Variants in UBL3 observed in about 807,000 individuals in gnomAD.
UBL3 encodes the protein ubiquitin-like protein 3.
Under a neutral mutation model 18.4 loss-of-function variants are expected in UBL3, and 6 were observed. That is an observed-to-expected ratio of 0.33 (90% CI 0.18 to 0.64). The LOEUF (loss-of-function observed/expected upper bound fraction) is 0.64. Ranked by LOEUF, UBL3 falls within the 30% of genes least tolerant of loss-of-function variation. The probability of loss-of-function intolerance (pLI) is 0.76; values close to 1 mark genes in which losing one functional copy is unlikely to be tolerated. For synonymous variants in UBL3, 49 were observed against 46.6 expected (o/e 1.05, Z -0.21); for missense variants, 109 against 142.9 (o/e 0.76, Z 1.21).
chr13:29,794,379 T>A (rs1339789817), intron 1 of UBL3, among the ~76,000 whole-genome samples: 1 of 151,598 alleles, frequency 6.6e-6, no homozygotes, highest in East Asian at 1.9e-4. Flanking sequence ...CACGCACCCC[T>A]ACCTATATGC....
At chr13:29,780,368 A>AAAC (rs367756866) in intron 1 of UBL3, among the ~76,000 whole-genome samples, 1 of 89,338 alleles carries the variant, frequency 1.1e-5, no homozygotes, top group African/African-American at 4.7e-5. Flanking sequence ...AAAAAAAAAA[A>AAAC]TATATATATA....
rs1876677500 is a variant in UBL3, at chr13:29,766,273, T to C, written c.*982A>G. On this transcript the variant is annotated 3_prime_UTR_variant, in exon 5 of 5. Coordinates refer to ENST00000380680, the MANE Select transcript of UBL3 (RefSeq NM_007106.4). ...AAGCACTAATATCAAACGCAAACTA[T>C]ATAAAGAAACAAAATTAGTACTATG... The C allele has an allele frequency of 6.6e-6, 1 of 152,516 alleles. No homozygotes were observed. The allele number at this position is 152,516 out of a possible 1,614,324, so 9.4% of individuals were successfully genotyped here.
intron 1 of UBL3, among the ~76,000 whole-genome samples, chr13:29,845,085 G>A (rs1440264921): frequency 6.6e-6 from 1 of 152,058 alleles, no homozygotes; most frequent in East Asian, 1.9e-4. Flanking sequence ...TAAGAGGAAT[G>A]TCAAAAGCAC....
intron 1 of UBL3, among the ~76,000 whole-genome samples, chr13:29,795,139 G>A (rs1234257530): frequency 6.6e-6 from 1 of 152,122 alleles, no homozygotes; most frequent in Non-Finnish European, 1.5e-5. Flanking sequence ...ACTTTTATGT[G>A]CATAAGACCT....
intron 1 of UBL3, among the ~76,000 whole-genome samples, chr13:29,797,715 T>C (rs945340570): frequency 1.3e-5 from 2 of 152,236 alleles, no homozygotes; most frequent in African/African-American, 4.8e-5. Context: ...GTTAGTCTTA[T>C]GCTTAAATGT....
At chr13:29,798,064 T>C (rs1435569945) in intron 1 of UBL3, among the ~76,000 whole-genome samples, 3 of 151,996 alleles carry the variant, frequency 2.0e-5, no homozygotes, top group Non-Finnish European at 4.4e-5. Context: ...TGCTCTGTTG[T>C]GCCCAGGCTA....
Position 29,850,474 on chromosome 13 carries a change from G to A in UBL3, c.-936C>T, listed in dbSNP as rs1566004765. The A allele has an allele frequency of 6.5e-6, 1 of 152,836 alleles. No individual in the cohort carries two copies. Among genetic ancestry groups the A allele is most frequent in the Non-Finnish European group, 1.5e-5 (1 of 68,342 alleles). The allele number at this position is 152,836 out of a possible 1,614,324, so 9.5% of individuals were successfully genotyped here. A position where few individuals can be genotyped will look rare whatever the true frequency, so the allele number is the denominator to read the frequency against. On this transcript the variant is annotated 5_prime_UTR_variant, in exon 1 of 5. Transcript: ENST00000380680. ...AGAGGCCGGGTCCTCCTTCTCCTCAGCCCGGGAATGGTTTCCTCTCAGAGC... is the reference window on the plus strand; with the variant it reads ...AGAGGCCGGGTCCTCCTTCTCCTCAACCCGGGAATGGTTTCCTCTCAGAGC...
chr13:29,796,429 T>C (rs528503613), intron 1 of UBL3, among the ~76,000 whole-genome samples: 2 of 152,328 alleles, frequency 1.3e-5, no homozygotes, highest in East Asian at 3.9e-4. Flanking sequence ...ATTTCTTCTT[T>C]AGATATTTCC....
In UBL3 at chr13:29,767,157, A is replaced by G; in HGVS notation, c.*98T>C. Reference sequence around the variant, plus strand: ...AATTCAGTTCCATGTGTTTACAGGCAGACTGTTCTGAACGGTTTCTGAAGC... The same window carrying G: ...AATTCAGTTCCATGTGTTTACAGGCGGACTGTTCTGAACGGTTTCTGAAGC... On this transcript the variant is annotated 3_prime_UTR_variant, in exon 5 of 5. Coordinates refer to ENST00000380680, the MANE Select transcript of UBL3 (RefSeq NM_007106.4). The G allele has an allele frequency of 7.6e-7, 1 of 1,310,912 alleles. No individual in the cohort carries two copies. The highest frequency in any genetic ancestry group is 1.1e-6 in the Non-Finnish European group (1 of 927,488). The allele number at this position is 1,310,912 out of a possible 1,614,324, so 81.2% of individuals were successfully genotyped here. A position where few individuals can be genotyped will look rare whatever the true frequency, so the allele number is the denominator to read the frequency against.
intron 1 of UBL3, among the ~76,000 whole-genome samples, chr13:29,822,007 T>C (rs1173462643): frequency 1.3e-5 from 2 of 152,212 alleles, no homozygotes; most frequent in Non-Finnish European, 2.9e-5. Context: ...TGAGAAAGTG[T>C]TGATGTTCTT....
intron 1 of UBL3, among the ~76,000 whole-genome samples, chr13:29,842,360 T>C (rs1879127330): frequency 2.0e-5 from 3 of 152,074 alleles, no homozygotes. Flanking sequence ...GGTTTCACCA[T>C]GTTGGTCAGG....
intron 1 of UBL3, among the ~76,000 whole-genome samples, chr13:29,795,959 G>C (rs1191927824): frequency 1.3e-5 from 2 of 151,084 alleles, no homozygotes; most frequent in Non-Finnish European, 2.9e-5. Flanking sequence ...ATAAGGAGAA[G>C]AATTTTAAGT....
At chr13:29,800,582 G>A (rs935330131) in intron 1 of UBL3, among the ~76,000 whole-genome samples, 2 of 152,104 alleles carry the variant, frequency 1.3e-5, no homozygotes, top group African/African-American at 4.8e-5. Flanking sequence ...ATGATAAAGT[G>A]TGAATGTTTT....
chr13:29,835,908 A>G (rs1290591843), intron 1 of UBL3, among the ~76,000 whole-genome samples: 3 of 152,278 alleles, frequency 2.0e-5, no homozygotes, highest in South Asian at 4.1e-4. Context: ...TGACATAGTC[A>G]TGTTAGACAG....
intron 1 of UBL3, among the ~76,000 whole-genome samples, chr13:29,792,360 C>G (rs1002312514): frequency 3.3e-5 from 5 of 151,810 alleles, no homozygotes; most frequent in Non-Finnish European, 5.9e-5. Context: ...AGCTCTGGAA[C>G]AGACCACAGT....
At chr13:29,780,676 T>C (rs1021289265) in intron 1 of UBL3, among the ~76,000 whole-genome samples, 2 of 151,956 alleles carry the variant, frequency 1.3e-5, no homozygotes, top group African/African-American at 4.8e-5. Flanking sequence ...ACTAATAAGG[T>C]TGAGAAAAGG....
chr13:29,816,544 A>T (rs901600463), intron 1 of UBL3, among the ~76,000 whole-genome samples: 2 of 151,974 alleles, frequency 1.3e-5, no homozygotes, highest in Non-Finnish European at 2.9e-5. Flanking sequence ...GGATTGAATA[A>T]GCCCAAGAGT....
At chr13:29,817,335 G>A (rs186886351) in intron 1 of UBL3, among the ~76,000 whole-genome samples, 1 of 152,146 alleles carries the variant, frequency 6.6e-6, no homozygotes, top group Admixed American at 6.5e-5. Context: ...TGTTTGTTTT[G>A]CCTCTTATCT....
chr13:29,837,667 T>C (rs976219347), intron 1 of UBL3, among the ~76,000 whole-genome samples: 6 of 152,118 alleles, frequency 3.9e-5, no homozygotes, highest in African/African-American at 1.4e-4. Flanking sequence ...TTTGTAATCA[T>C]GCTTGTAATC....
Sources: gnomAD v4.1 joint callset for allele counts (sites outside exome capture counted in the v4.1 genomes callset) on GRCh38, gnomAD v4.1.1 for gene constraint, MANE v1.5 for transcripts, NCBI Gene and HGNC (gene_info 2026-07-23, HGNC 2026-07-21) for gene names.